The following TDRD12 variants were observed in gnomAD, a reference collection of about 807,000 sequenced individuals.
The protein encoded by TDRD12 is tudor domain containing 12.
TDRD12 carries 158 observed loss-of-function variants against 133.5 expected under a neutral mutation model. The ratio of observed to expected loss-of-function variants is 1.18; its 90% CI spans 1.04 to 1.35. The LOEUF (loss-of-function observed/expected upper bound fraction) is 1.35, where lower values mean the gene tolerates loss of function less well. TDRD12 is among the 40% of genes most tolerant of loss of function. TDRD12 has a pLI of 0.00. For synonymous variants in TDRD12, 460 were observed against 477.9 expected, an observed-to-expected ratio of 0.96 and a Z score of 0.49; for missense variants, 1,443 against 1,321.3, an observed-to-expected ratio of 1.09 and a Z score of -1.43.
At chr19:32,756,269 C>A in intron 7 of TDRD12, 88 bp downstream of exon 7, 2 of 1,118,156 alleles carry the variant, frequency 1.8e-6, no homozygotes, top group East Asian at 3.2e-5. Context: ...GACTTTTCCC[C>A]ACATGGAGAC....
chr19:32,812,025 C>T (rs1040345122), intron 24 of TDRD12, among the ~76,000 whole-genome samples: 1 of 152,198 alleles, frequency 6.6e-6, no homozygotes, highest in Non-Finnish European at 1.5e-5. Context: ...AGAAAAGCTG[C>T]CAAAGGAAGG....
At chr19:32,822,858 T>G (rs1967452024), downstream of TDRD12, among the ~76,000 whole-genome samples, 1 of 152,214 alleles carries the variant, frequency 6.6e-6, no homozygotes, top group Non-Finnish European at 1.5e-5. Flanking sequence ...GGAATTTATC[T>G]TCGTGTGGCC....
intron 11 of TDRD12, among the ~76,000 whole-genome samples, chr19:32,782,576 C>T (rs1970801110): frequency 1.3e-5 from 2 of 152,206 alleles, no homozygotes; most frequent in Admixed American, 1.3e-4. Flanking sequence ...AATTTACATT[C>T]CCACCAACAG....
At chr19:32,732,300 C>T (rs1969082304) in intron 2 of TDRD12, among the ~76,000 whole-genome samples, 2 of 152,180 alleles carry the variant, frequency 1.3e-5, no homozygotes, top group Non-Finnish European at 2.9e-5. Flanking sequence ...CCACTGTGCC[C>T]AGCCAGTGTA....
At chr19:32,787,714 G>A (rs985652389) in intron 11 of TDRD12, among the ~76,000 whole-genome samples, 14 of 152,334 alleles carry the variant, frequency 9.2e-5, no homozygotes, top group Admixed American at 5.9e-4. Context: ...TGCTAGCATC[G>A]AGCAAGGATC....
chr19:32,814,397 CAG>C (rs1568494572), intron 25 of TDRD12, among the ~76,000 whole-genome samples: 2 of 152,074 alleles, frequency 1.3e-5, no homozygotes, highest in Admixed American at 6.5e-5. Context: ...CCAGATTTAA[CAG>C]AGTCAATTTA....
chr19:32,744,129 TGC>T (rs1343686603), intron 4 of TDRD12, among the ~76,000 whole-genome samples: 1 of 152,104 alleles, frequency 6.6e-6, no homozygotes, highest in Non-Finnish European at 1.5e-5. Context: ...TTGACATACT[TGC>T]TGTATTTAAT....
At position 32,798,299 on chromosome 19, in the gene TDRD12, T is replaced by A. The variant is rs545225384; in HGVS notation, c.1631-9T>A. The A allele has an allele frequency of 1.9e-5, 29 of 1,512,672 alleles. No homozygotes were observed. Among genetic ancestry groups the A allele is most frequent in the Admixed American group, 8.1e-5 (4 of 49,242 alleles). 93.7% of individuals were successfully genotyped at this position (1,512,672 alleles called of 1,614,324 possible). A position where few individuals can be genotyped will look rare whatever the true frequency, so the allele number is the denominator to read the frequency against. On this transcript the variant is annotated splice_polypyrimidine_tract_variant and intron_variant, in intron 15 of 27. Coordinates refer to ENST00000444215, the Ensembl canonical transcript of TDRD12. ...AATTGAAAATGTTCACTTTTTTTTT[T>A]AAATGCAGGTGATGTGATTGTTACG...
At chr19:32,722,496 G>C (rs968895553) in intron 1 of TDRD12, among the ~76,000 whole-genome samples, 5 of 152,052 alleles carry the variant, frequency 3.3e-5, no homozygotes, top group African/African-American at 1.2e-4. Flanking sequence ...GATGAAGTTA[G>C]CTTTTACAAG....
At chr19:32,767,105 T>C (rs1444337380) in intron 8 of TDRD12, among the ~76,000 whole-genome samples, 1 of 120,030 alleles carries the variant, frequency 8.3e-6, no homozygotes, top group East Asian at 2.0e-4. Context: ...TATTTATTTA[T>C]TTATTTATTT....
chr19:32,775,569 G>C (rs1970558174), intron 10 of TDRD12, among the ~76,000 whole-genome samples: 1 of 152,178 alleles, frequency 6.6e-6, no homozygotes, highest in African/African-American at 2.4e-5. Flanking sequence ...CTGAGACCAA[G>C]TGATCCTCCC....
At chr19:32,767,217 G>A (rs957226422) in intron 8 of TDRD12, among the ~76,000 whole-genome samples, 5 of 150,478 alleles carry the variant, frequency 3.3e-5, no homozygotes, top group East Asian at 2.0e-4. Flanking sequence ...CAGCCTCCAC[G>A]TCCTGGGTTC....
intron 12 of TDRD12, 171 bp from the exon 13 acceptor site, chr19:32,790,793 G>A: frequency 7.4e-6 from 11 of 1,476,598 alleles, no homozygotes; most frequent in East Asian, 2.5e-5. Flanking sequence ...GATAATAAAC[G>A]ATCTTCCTTT....
intron 8 of TDRD12, among the ~76,000 whole-genome samples, chr19:32,764,921 C>A (rs1341943536): frequency 1.3e-5 from 2 of 152,036 alleles, no homozygotes; most frequent in Non-Finnish European, 2.9e-5. Context: ...TTCTGCACAG[C>A]AAAAGAAACT....
intron 2 of TDRD12, among the ~76,000 whole-genome samples, chr19:32,732,525 T>G (rs1969090799): frequency 6.6e-6 from 1 of 152,190 alleles, no homozygotes; most frequent in African/African-American, 2.4e-5. Flanking sequence ...GGCCAACGCC[T>G]CCCTTTTGGT....
chr19:32,814,478 A>T (rs907841469), intron 25 of TDRD12, among the ~76,000 whole-genome samples: 1 of 152,190 alleles, frequency 6.6e-6, no homozygotes, highest in Non-Finnish European at 1.5e-5. Context: ...GGGAGTTTGG[A>T]TGTAAGGTTT....
At chr19:32,743,786 T>C (rs1405773921) in intron 4 of TDRD12, among the ~76,000 whole-genome samples, 2 of 152,042 alleles carry the variant, frequency 1.3e-5, no homozygotes, top group Non-Finnish European at 2.9e-5. Context: ...TCCAGCACTT[T>C]GGGAGGCCAA....
chr19:32,808,089 A>G (rs940687113), intron 22 of TDRD12, among the ~76,000 whole-genome samples: 2 of 152,206 alleles, frequency 1.3e-5, no homozygotes, highest in Non-Finnish European at 2.9e-5. Flanking sequence ...ATAATGATAC[A>G]GTGATTACAT....
At chr19:32,822,933 ATC>A (rs551174537), downstream of TDRD12, among the ~76,000 whole-genome samples, 316 of 152,274 alleles carry the variant, frequency 2.1e-3, 2 homozygotes, top group African/African-American at 7.3e-3. Context: ...GTCTTGACAA[ATC>A]TTAGAAATTG....
Sources: gnomAD v4.1 joint callset for allele counts (sites outside exome capture counted in the v4.1 genomes callset) on GRCh38, gnomAD v4.1.1 for gene constraint, MANE v1.5 for transcripts, NCBI Gene and HGNC (gene_info 2026-07-23, HGNC 2026-07-21) for gene names.